The following GNL3L variants were observed in gnomAD, a reference collection of about 807,000 sequenced individuals.
GNL3L encodes the protein G protein nucleolar 3 like.
In GNL3L, 4 loss-of-function variants were observed where a neutral mutation model predicts 42.9. The observed-to-expected ratio is 0.09, with a 90% CI of 0.05 to 0.21. The LOEUF is 0.21. Ranked by LOEUF, GNL3L falls within the 10% of genes least tolerant of loss-of-function variation. The pLI, the probability that GNL3L is intolerant of heterozygous loss-of-function variation, is 1.00. For missense variants in GNL3L, 412 were observed against 481.7 expected, an observed-to-expected ratio of 0.86 and a Z score of 1.36; for synonymous variants, 159 against 176.3, an observed-to-expected ratio of 0.90 and a Z score of 0.78.
downstream of GNL3L, among the ~76,000 whole-genome samples, chrX:54,571,747 A>G (rs1369363814): frequency 9.2e-6 from 1 of 108,705 alleles, no homozygotes; most frequent in African/African-American, 3.3e-5. Flanking sequence ...TTTTTCTTTT[A>G]TGTTTTTCTG....
At chrX:54,585,772 T>G (rs1352009062) in intron 16 of GNL3L, among the ~76,000 whole-genome samples, 2 of 112,086 alleles carry the variant, frequency 1.8e-5, no homozygotes, top group Non-Finnish European at 3.8e-5. Flanking sequence ...TTTTCTTCCT[T>G]CTACTTTTTG....
intron 16 of GNL3L, among the ~76,000 whole-genome samples, chrX:54,590,756 GATTTATGTATTT>G: frequency 9.0e-6 from 1 of 111,068 alleles, no homozygotes; most frequent in East Asian, 2.8e-4. Flanking sequence ...TGAGGTCTTA[GATTTATGTATTT>G]ATTTATTTAT....
intron 10 of GNL3L, 31 bp downstream of exon 10, chrX:54,551,081 A>G (rs759360201): frequency 1.3e-6 from 1 of 757,238 alleles, no homozygotes; most frequent in African/African-American, 2.0e-5. Flanking sequence ...CCACTCCACA[A>G]TTCCTTGACC....
intron 16 of GNL3L, among the ~76,000 whole-genome samples, chrX:54,573,494 A>G (rs1000102046): frequency 2.0e-5 from 2 of 99,580 alleles, no homozygotes; most frequent in Non-Finnish European, 3.8e-5. Context: ...GAGGGAGACC[A>G]TGGGGAGAGG....
chrX:54,586,694 A>G (rs1452965946), intron 16 of GNL3L, among the ~76,000 whole-genome samples: 2 of 112,203 alleles, frequency 1.8e-5, no homozygotes, highest in Non-Finnish European at 3.8e-5. Context: ...CATTCTGCCA[A>G]CGGCCTGGGC....
intron 16 of GNL3L, among the ~76,000 whole-genome samples, chrX:54,592,814 CAA>C (rs1263845353): frequency 2.5e-5 from 2 of 80,248 alleles, no homozygotes. Context: ...AACCCTGTCT[CAA>C]AAAAAAAAAA....
intron 5 of GNL3L, among the ~76,000 whole-genome samples, chrX:54,542,220 A>G (rs1924643461): frequency 1.8e-5 from 2 of 108,605 alleles, no homozygotes; most frequent in South Asian, 8.6e-4. Context: ...TACATTAGGT[A>G]TATCTCCTAA....
rs747770067 is a variant in GNL3L at position 54,589,084 on chromosome X, A to G, written c.*45+28437A>G. 1.3e-4 allele frequency among the ~76,000 whole-genome samples: 15 copies of G among 111,283 alleles called. No individual in the cohort carries two copies. In the East Asian group the frequency reaches 3.9e-3, roughly 29 times the overall value. On this transcript the variant is annotated intron_variant, in intron 16 of 16. Transcript: ENST00000674498. Reference sequence around the variant, plus strand: ...TTTATGGAATACATGAGATGTTTTGATACAGGCATGCAATGTGAAATGAAC... The same window carrying G: ...TTTATGGAATACATGAGATGTTTTGGTACAGGCATGCAATGTGAAATGAAC...
At chrX:54,618,848 G>A (rs953277135) in intron 16 of GNL3L, among the ~76,000 whole-genome samples, 19 of 112,002 alleles carry the variant, frequency 1.7e-4, no homozygotes. Context: ...AGTGAGCTAT[G>A]ATTGTGCCAT....
intron 16 of GNL3L, among the ~76,000 whole-genome samples, chrX:54,584,676 A>G (rs1448357995): frequency 1.8e-5 from 2 of 113,070 alleles, no homozygotes; most frequent in Non-Finnish European, 3.7e-5. Flanking sequence ...CAATATACTG[A>G]TTGAATTTCC....
chrX:54,607,073 T>TTC (rs1926095208), intron 16 of GNL3L, among the ~76,000 whole-genome samples: 1 of 23,996 alleles, frequency 4.2e-5, no homozygotes, highest in African/African-American at 3.0e-4. Flanking sequence ...TCTTTCTTTC[T>TTC]CTTTCTTTCT....
intron 3 of GNL3L, 118 bp from the exon 4 acceptor site, chrX:54,540,017 A>T (rs111905719): frequency 4.5e-5 from 22 of 488,347 alleles, no homozygotes; most frequent in African/African-American, 2.1e-4. Context: ...GAGGATTGAG[A>T]GATAGAAGGG....
At chrX:54,590,709 A>C (rs1181500505) in intron 16 of GNL3L, among the ~76,000 whole-genome samples, 1 of 111,192 alleles carries the variant, frequency 9.0e-6, no homozygotes, top group Non-Finnish European at 1.9e-5. Context: ...TGTGCTTGAG[A>C]TTTTCCCCAG....
At chrX:54,607,367 T>C (rs1228906331) in intron 16 of GNL3L, among the ~76,000 whole-genome samples, 1 of 102,583 alleles carries the variant, frequency 9.7e-6, no homozygotes, top group Non-Finnish European at 2.0e-5. Context: ...TGTTGCTGAA[T>C]TGAAAGAAAA....
intron 2 of GNL3L, among the ~76,000 whole-genome samples, chrX:54,536,815 A>G (rs1049729338): frequency 2.3e-5 from 2 of 88,486 alleles, no homozygotes. Flanking sequence ...AGAGAGAGGG[A>G]GGGAGGGAGG....
At chrX:54,618,940 T>TCA (rs1344752116) in intron 16 of GNL3L, among the ~76,000 whole-genome samples, 1 of 110,886 alleles carries the variant, frequency 9.0e-6, no homozygotes, top group Non-Finnish European at 1.9e-5. Context: ...AAGAAGGGGC[T>TCA]CAATCTCACT....
chrX:54,589,691 A>G (rs994558346), intron 16 of GNL3L, among the ~76,000 whole-genome samples: 6 of 111,720 alleles, frequency 5.4e-5, no homozygotes, highest in Non-Finnish European at 1.1e-4. Flanking sequence ...CAGTGCTCCA[A>G]CAAACATAGG....
chrX:54,560,470 C>T lies in GNL3L; in HGVS notation c.1667-50C>T, dbSNP rs775091597. On this transcript the variant is annotated intron_variant, in intron 15 of 15. Coordinates refer to ENST00000360845, the MANE Select transcript of GNL3L (RefSeq NM_001184819.2). ...ATGTAGGCCAGCGTCAGCAGGCCTC[C>T]TGGTGGCAAGCCAGCCACCAAAAGA... is the stretch of plus-strand genomic sequence containing the variant. The T allele has an allele frequency of 1.0e-5, 8 of 773,632 alleles. No individual in the cohort carries two copies. In the African/African-American group the frequency reaches 1.4e-4, roughly 14 times the overall value. The allele number at this position is 773,632 out of a possible 1,213,427, so 63.8% of individuals were successfully genotyped here.
At chrX:54,548,455 C>T in intron 9 of GNL3L, 82 bp downstream of exon 9, 2 of 820,648 alleles carry the variant, frequency 2.4e-6, no homozygotes, top group Non-Finnish European at 3.5e-6. Context: ...CTGGGAGCTT[C>T]ATTGTCTTTT....
Sources: allele counts gnomAD v4.1 joint callset (sites outside exome capture counted in the v4.1 genomes callset), GRCh38; gene constraint gnomAD v4.1.1; transcripts MANE v1.5; gene names NCBI Gene and HGNC (gene_info 2026-07-23, HGNC 2026-07-21).